GRID2: variants seen among roughly 807,000 people sequenced by gnomAD.
GRID2 encodes glutamate ionotropic receptor delta type subunit 2, also known as glutamate receptor ionotropic, delta-2.
GRID2 carries 33 observed loss-of-function variants against 114.8 expected under a neutral mutation model. The ratio of observed to expected loss-of-function variants is 0.29; its 90% CI spans 0.22 to 0.38. The LOEUF (loss-of-function observed/expected upper bound fraction) is 0.38, where lower values mean the gene tolerates loss of function less well. GRID2 is among the 10% of genes least tolerant of loss of function. The pLI is 1.00. For synonymous variants in GRID2, 505 were observed against 449.9 expected, an observed-to-expected ratio of 1.12 and a Z score of -1.55; for missense variants, 1,184 against 1,257.7, an observed-to-expected ratio of 0.94 and a Z score of 0.89.
intron 2 of GRID2, among the ~76,000 whole-genome samples, chr4:92,784,421 A>G (rs1739223859): frequency 6.6e-6 from 1 of 151,922 alleles, no homozygotes; most frequent in South Asian, 2.1e-4. Flanking sequence ...AAATTATACA[A>G]TTTGTGAAAG....
At chr4:92,653,000 A>G (rs1351726780) in intron 2 of GRID2, among the ~76,000 whole-genome samples, 2 of 145,078 alleles carry the variant, frequency 1.4e-5, no homozygotes, top group Non-Finnish European at 3.0e-5. Context: ...ATAAATATAT[A>G]TAAATACATA....
At chr4:92,773,322 A>G (rs1560583826) in intron 2 of GRID2, among the ~76,000 whole-genome samples, 1 of 152,168 alleles carries the variant, frequency 6.6e-6, no homozygotes, top group Non-Finnish European at 1.5e-5. Context: ...ATTAGGTTCT[A>G]GTTCCCTAAA....
At chr4:93,544,506 G>T (rs868492641) in intron 13 of GRID2, among the ~76,000 whole-genome samples, 222 of 152,078 alleles carry the variant, frequency 1.5e-3, no homozygotes, top group African/African-American at 4.7e-3. Context: ...CACCAGGTAC[G>T]GTGGCTGACA....
intron 13 of GRID2, among the ~76,000 whole-genome samples, chr4:93,607,276 C>G (rs1445214811): frequency 6.6e-6 from 1 of 152,056 alleles, no homozygotes; most frequent in Non-Finnish European, 1.5e-5. Context: ...AAGTCCTGGT[C>G]ATTGTTGGTT....
In GRID2 at chr4:92,878,916, A is replaced by G. The variant is rs112948346; in HGVS notation, c.245-206079A>G. ...CCCATTTATACAAACCCGTGAGGCT[A>G]TCTAAATTCTGTTGGTATACAAAAT... On this transcript the variant is annotated intron_variant, in intron 2 of 15. Transcript: ENST00000282020. Among the ~76,000 whole-genome samples the G allele has an allele frequency of 1.2e-4, 19 of 152,232 alleles. No individual in the cohort carries two copies. In the East Asian group the frequency reaches 3.3e-3, roughly 26 times the overall value.
chr4:93,250,727 T>C (rs1480552282), intron 8 of GRID2, among the ~76,000 whole-genome samples: 1 of 147,216 alleles, frequency 6.8e-6, no homozygotes, highest in Non-Finnish European at 1.5e-5. Flanking sequence ...TACATGTATA[T>C]GTGCATATAT....
At chr4:93,126,324 G>C (rs1734258550) in intron 4 of GRID2, among the ~76,000 whole-genome samples, 1 of 151,874 alleles carries the variant, frequency 6.6e-6, no homozygotes, top group Admixed American at 6.6e-5. Flanking sequence ...ATTCATAATA[G>C]TCTACAGAGT....
chr4:93,103,772 G>A (rs1441779752), intron 3 of GRID2, among the ~76,000 whole-genome samples: 1 of 151,674 alleles, frequency 6.6e-6, no homozygotes, highest in Non-Finnish European at 1.5e-5. Context: ...ACACAAAGAA[G>A]GTTAAGAAAT....
Position 93,085,114 on chromosome 4 carries a change from T to C in GRID2, c.364T>C (p.Ser122Pro). 6.2e-7 allele frequency: 1 copy of C among 1,614,104 alleles called. No homozygotes were observed. The change falls in exon 3 of 16, where the codon TCA becomes CCA. Residue 122 changes from serine to proline, a missense_variant. Transcript: ENST00000282020. ...TATCCCCCACCTCTTCATTCAGCGC[T>C]CAACAGCTGGGACCCCAAGGAGTGG... ...MHIPHLFIQR[S>P]TAGTPRSGCG...
chr4:92,689,840 A>C (rs1734090206), intron 2 of GRID2, among the ~76,000 whole-genome samples: 1 of 152,112 alleles, frequency 6.6e-6, no homozygotes, highest in African/African-American at 2.4e-5. Flanking sequence ...TTCATGAACC[A>C]ACCTCTGTTA....
At chr4:93,158,219 C>A (rs1737358234) in intron 4 of GRID2, among the ~76,000 whole-genome samples, 1 of 151,750 alleles carries the variant, frequency 6.6e-6, no homozygotes, top group Non-Finnish European at 1.5e-5. Context: ...ATTCGTTATG[C>A]AGGAGCTAGG....
intron 2 of GRID2, among the ~76,000 whole-genome samples, chr4:93,032,818 C>T (rs1005534769): frequency 8.5e-5 from 13 of 152,108 alleles, no homozygotes; most frequent in Non-Finnish European, 1.3e-4. Context: ...CCCAAACAAT[C>T]AAGCAATGAA....
intron 8 of GRID2, among the ~76,000 whole-genome samples, chr4:93,365,778 T>A (rs1281993785): frequency 6.6e-6 from 1 of 152,176 alleles, no homozygotes; most frequent in Non-Finnish European, 1.5e-5. Flanking sequence ...GGAAATATTG[T>A]TGCGGGAAGT....
Position 93,575,059 on chromosome 4 carries a change from C to T in GRID2, c.2194-51210C>T, listed in dbSNP as rs144909408. 5.9e-3 allele frequency among the ~76,000 whole-genome samples: 904 copies of T among 152,262 alleles called. 7 individuals are homozygous for T. The highest frequency in any genetic ancestry group is 0.021 in the African/African-American group (870 of 41,550). Reference sequence around the variant, plus strand: ...AGCCAGAACATTTTACATAGTGGTTCAGGGATCTTAGGAGAGCCTATTCCA... The same window carrying T: ...AGCCAGAACATTTTACATAGTGGTTTAGGGATCTTAGGAGAGCCTATTCCA... On this transcript the variant is annotated intron_variant, in intron 13 of 15. Transcript: ENST00000282020.
In GRID2 at chr4:93,178,447, A is replaced by G. The variant is rs572324714; in HGVS notation, c.736-28957A>G. 2.6e-5 allele frequency among the ~76,000 whole-genome samples: 3 copies of G among 115,396 alleles called. No individual in the cohort carries two copies. The South Asian group carries it at 8.9e-4, about 34-fold the overall frequency. 75.7% of individuals were successfully genotyped at this position (115,396 alleles called of 152,430 possible). A position where few individuals can be genotyped will look rare whatever the true frequency, so the allele number is the denominator to read the frequency against. ...AATCTTGCTCTGCTTCTCAGGCTGGAGTACAGTGATGCAATCACAGCTCAC... is the reference window on the plus strand; with the variant it reads ...AATCTTGCTCTGCTTCTCAGGCTGGGGTACAGTGATGCAATCACAGCTCAC... On this transcript the variant is annotated intron_variant, in intron 4 of 15. Coordinates refer to ENST00000282020, the MANE Select transcript of GRID2 (RefSeq NM_001510.4).
intron 8 of GRID2, among the ~76,000 whole-genome samples, chr4:93,322,905 A>C (rs895627244): frequency 1.6e-4 from 24 of 151,478 alleles, no homozygotes; most frequent in East Asian, 3.9e-4. Flanking sequence ...TTGTTTTTTT[A>C]TTGTAAATTT....
Position 92,838,988 on chromosome 4 carries a change from G to A in GRID2, c.245-246007G>A, listed in dbSNP as rs537053329. 2.0e-5 allele frequency: 3 copies of A among 151,962 alleles called. No homozygotes were observed. The South Asian group carries it at 6.2e-4, about 32-fold the overall frequency. 9.4% of individuals were successfully genotyped at this position (151,962 alleles called of 1,614,324 possible). On this transcript the variant is annotated intron_variant, in intron 2 of 15. Transcript: ENST00000282020. ...CAACAATACAAATAAAACATTACAG[G>A]GTCACTCTTTCCTTTTCTACTGATT...
At chr4:92,392,406 G>T (rs996983001) in intron 1 of GRID2, among the ~76,000 whole-genome samples, 12 of 152,024 alleles carry the variant, frequency 7.9e-5, no homozygotes, top group South Asian at 4.1e-4. Context: ...GAGTGTGGTG[G>T]TGTGTGCCTG....
At chr4:92,533,202 T>C (rs35218926) in intron 1 of GRID2, among the ~76,000 whole-genome samples, 1 of 146,914 alleles carries the variant, frequency 6.8e-6, no homozygotes, top group Non-Finnish European at 1.5e-5. Context: ...GTTTTTTTTG[T>C]TTTTTTTTTG....
Sources: gnomAD v4.1 joint callset for allele counts (sites outside exome capture counted in the v4.1 genomes callset) on GRCh38, gnomAD v4.1.1 for gene constraint, MANE v1.5 for transcripts, NCBI Gene and HGNC (gene_info 2026-07-23, HGNC 2026-07-21) for gene names.